NTNG1: variants seen among roughly 807,000 people sequenced by gnomAD.
The protein encoded by NTNG1 is netrin-G1.
A neutral mutation model predicts 54.0 loss-of-function variants in NTNG1; 16 were observed. The ratio of observed to expected loss-of-function variants is 0.30; its 90% CI spans 0.20 to 0.45. The LOEUF is 0.45. Ranked by LOEUF, NTNG1 falls within the 20% of genes least tolerant of loss-of-function variation. NTNG1 has a pLI of 1.00. For synonymous variants in NTNG1, 255 were observed against 263.1 expected, an observed-to-expected ratio of 0.97 and a Z score of 0.30; for missense variants, 530 against 678.7, an observed-to-expected ratio of 0.78 and a Z score of 2.43.
intron 3 of NTNG1, among the ~76,000 whole-genome samples, chr1:107,344,300 A>C (rs1195388840): frequency 2.0e-5 from 3 of 152,218 alleles, no homozygotes; most frequent in Non-Finnish European, 4.4e-5. Context: ...ATGGAAAAAG[A>C]AATGAAAAGT....
intron 2 of NTNG1, among the ~76,000 whole-genome samples, chr1:107,230,616 T>C (rs1342163080): frequency 1.3e-5 from 2 of 152,218 alleles, no homozygotes; most frequent in Non-Finnish European, 2.9e-5. Flanking sequence ...GTTTTCCTTT[T>C]GATTCTTGAC....
rs1667857083 is a variant in NTNG1, at chr1:107,324,854, A to G, written c.819A>G (p.Glu273=). 2 of 1,613,432 alleles carry G rather than the reference A, an allele frequency of 1.2e-6. No homozygotes were observed. The highest frequency in any genetic ancestry group is 1.1e-5 in the South Asian group (1 of 91,068). The part of the protein sequence containing the change: ...RIRLLRPAVG[E]IFVDELHLAR... ...GGCTGTTAAGACCAGCCGTTGGGGA[A>G]ATATTTGTAGATGAGCTACACTTGG... Residue 273 remains glutamate, a synonymous_variant, in exon 3 of 8, where the codon GAA becomes GAG. Transcript: ENST00000370068.
intron 5 of NTNG1, among the ~76,000 whole-genome samples, chr1:107,421,378 T>C (rs929853001): frequency 1.3e-5 from 2 of 152,108 alleles, no homozygotes; most frequent in South Asian, 4.1e-4. Flanking sequence ...GAAAGATTCA[T>C]GTGTGAATAA....
intron 2 of NTNG1, among the ~76,000 whole-genome samples, chr1:107,164,397 CTT>C (rs1014519351): frequency 1.3e-5 from 2 of 152,192 alleles, no homozygotes; most frequent in African/African-American, 2.4e-5. Context: ...CATACAGAAA[CTT>C]TATTGATGTG....
rs79495839 is a variant in NTNG1 at position 107,330,510 on chromosome 1, C to T, written c.887+5588C>T. On this transcript the variant is annotated intron_variant, in intron 3 of 7. Transcript: ENST00000370068. ...GTGGTCTCAGATTTGCTTACAAAGT[C>T]AGTAGGACTTGTTGACCAGTCAGAT... Among the ~76,000 whole-genome samples, 80 of 152,244 alleles carry T rather than the reference C, an allele frequency of 5.3e-4. No individual in the cohort carries two copies. The East Asian group carries it at 0.015, about 29-fold the overall frequency.
chr1:107,453,105 T>C (rs974628660), intron 7 of NTNG1, among the ~76,000 whole-genome samples: 1 of 152,234 alleles, frequency 6.6e-6, no homozygotes, highest in African/African-American at 2.4e-5. Context: ...CTGAGACTGT[T>C]CGGTGTCTCA....
At chr1:107,225,841 T>C (rs1371577973) in intron 2 of NTNG1, among the ~76,000 whole-genome samples, 1 of 152,092 alleles carries the variant, frequency 6.6e-6, no homozygotes, top group Non-Finnish European at 1.5e-5. Context: ...CATAGAACCC[T>C]TTCCGGGCAA....
chr1:107,301,363 A>G (rs1666300405), intron 2 of NTNG1, among the ~76,000 whole-genome samples: 1 of 152,136 alleles, frequency 6.6e-6, no homozygotes, highest in South Asian at 2.1e-4. Flanking sequence ...ACACAAACAG[A>G]GGAGGAATGT....
At chr1:107,362,732 T>G (rs1670371638) in intron 3 of NTNG1, among the ~76,000 whole-genome samples, 1 of 152,206 alleles carries the variant, frequency 6.6e-6, no homozygotes, top group Admixed American at 6.5e-5. Flanking sequence ...GGCATATATG[T>G]TAAAACACTT....
intron 2 of NTNG1, among the ~76,000 whole-genome samples, chr1:107,297,799 TAAATC>T (rs1666075000): frequency 6.6e-6 from 1 of 152,152 alleles, no homozygotes; most frequent in Non-Finnish European, 1.5e-5. Flanking sequence ...TGTGGGGACA[TAAATC>T]TGATCTATTT....
chr1:107,483,648 C>T lies in NTNG1; in HGVS notation c.*2808C>T, dbSNP rs1007966692. ...AGGACTGGGGTGAAAAGCGGGTACT[C>T]AGTTGTTCATATATTTGAGGTCCTA... On this transcript the variant is annotated 3_prime_UTR_variant, in exon 8 of 8. Transcript: ENST00000370068. 3.9e-5 allele frequency among the ~76,000 whole-genome samples: 6 copies of T among 152,048 alleles called. No homozygotes were observed. The highest frequency in any genetic ancestry group is 1.4e-4 in the African/African-American group (6 of 41,396).
intron 2 of NTNG1, among the ~76,000 whole-genome samples, chr1:107,315,494 TC>T (rs1557892728): frequency 6.6e-6 from 1 of 152,130 alleles, no homozygotes; most frequent in Non-Finnish European, 1.5e-5. Context: ...TGTGACTTCT[TC>T]CCCAGCCTCA....
intron 2 of NTNG1, among the ~76,000 whole-genome samples, chr1:107,181,561 G>A (rs1557786717): frequency 8.6e-5 from 1 of 11,648 alleles, no homozygotes; most frequent in South Asian, 3.1e-3. Context: ...AAAAAACTGT[G>A]GCTGAGGATT....
chr1:107,249,177 T>C (rs1662407902), intron 2 of NTNG1, among the ~76,000 whole-genome samples: 1 of 149,568 alleles, frequency 6.7e-6, no homozygotes, highest in Middle Eastern at 3.5e-3. Flanking sequence ...ATAATAATAA[T>C]AATAATTTAA....
chr1:107,231,792 C>T (rs75013695), intron 2 of NTNG1, among the ~76,000 whole-genome samples: 5,849 of 152,040 alleles, frequency 0.038, 302 homozygotes, highest in African/African-American at 0.12. Context: ...ACTGCCAGGC[C>T]ATGGAAGGAA....
At chr1:107,454,559 T>TC (rs1378667228) in intron 7 of NTNG1, among the ~76,000 whole-genome samples, 1 of 150,858 alleles carries the variant, frequency 6.6e-6, no homozygotes, top group Non-Finnish European at 1.5e-5. Flanking sequence ...AAAAAAAAAA[T>TC]CACTCTGACC....
chr1:107,272,606 G>A (rs1664217826), intron 2 of NTNG1, among the ~76,000 whole-genome samples: 1 of 152,080 alleles, frequency 6.6e-6, no homozygotes, highest in African/African-American at 2.4e-5. Flanking sequence ...CAGAATTCAG[G>A]TATAGAATAC....
intron 7 of NTNG1, among the ~76,000 whole-genome samples, chr1:107,468,914 G>A (rs1392026107): frequency 6.6e-6 from 1 of 152,050 alleles, no homozygotes; most frequent in East Asian, 1.9e-4. Flanking sequence ...TGACCAACAT[G>A]GTGAAACCCT....
intron 7 of NTNG1, among the ~76,000 whole-genome samples, chr1:107,477,198 GAGTA>G (rs1553252630): frequency 1.3e-5 from 2 of 152,202 alleles, no homozygotes; most frequent in Non-Finnish European, 2.9e-5. Context: ...CTGAAATGCT[GAGTA>G]GAGCCTCCTT....
Sources: gnomAD v4.1 joint callset for allele counts (sites outside exome capture counted in the v4.1 genomes callset) on GRCh38, gnomAD v4.1.1 for gene constraint, MANE v1.5 for transcripts, NCBI Gene and HGNC (gene_info 2026-07-23, HGNC 2026-07-21) for gene names.